COLEC10: variants seen among roughly 807,000 people sequenced by gnomAD.
The protein encoded by COLEC10 is collectin-10.
In COLEC10, 22 loss-of-function variants were observed where a neutral mutation model predicts 28.4. That is an observed-to-expected ratio of 0.78 (90% CI 0.55 to 1.11). COLEC10 has a LOEUF of 1.11. Ranked by LOEUF, COLEC10 falls within the 50% of genes least tolerant of loss-of-function variation. COLEC10 has a pLI of 0.00. For synonymous variants in COLEC10, 125 were observed against 116.1 expected (o/e 1.08, Z -0.49); for missense variants, 361 against 344.1 (o/e 1.05, Z -0.39).
intron 2 of COLEC10, among the ~76,000 whole-genome samples, chr8:119,048,546 T>C (rs529791050): frequency 9.2e-5 from 14 of 152,356 alleles, no homozygotes; most frequent in African/African-American, 3.1e-4. Context: ...ATATTTAGGA[T>C]GGTTAAGTTT....
upstream of COLEC10, among the ~76,000 whole-genome samples, chr8:118,990,969 G>T (rs200900043): frequency 7.1e-6 from 1 of 140,154 alleles, no homozygotes; most frequent in Admixed American, 7.1e-5. Flanking sequence ...GGGAATTAAA[G>T]AAAAAAAAAA....
At chr8:118,980,388 T>C in the COLEC10 span, among the ~76,000 whole-genome samples, 1 of 152,098 alleles carries the variant, frequency 6.6e-6, no homozygotes, top group South Asian at 2.1e-4. Context: ...AGATGAGGTT[T>C]CACCATGTTG....
chr8:118,963,212 A>C, the COLEC10 span, among the ~76,000 whole-genome samples: 1 of 152,220 alleles, frequency 6.6e-6, no homozygotes, highest in Non-Finnish European at 1.5e-5. Context: ...CATTTATAGA[A>C]TATCCATTAA....
At chr8:119,062,121 CATTAT>C (rs543633934) in intron 2 of COLEC10, among the ~76,000 whole-genome samples, 2 of 151,846 alleles carry the variant, frequency 1.3e-5, no homozygotes, top group Non-Finnish European at 2.9e-5. Flanking sequence ...GTTACAGGCC[CATTAT>C]ATTATAAACA....
chr8:119,103,829 A>C lies in COLEC10; in HGVS notation c.376A>C (p.Lys126Gln). 6.2e-7 allele frequency: 1 copy of C among 1,612,820 alleles called. No homozygotes were observed. Residue 126 changes from lysine (K) to glutamine (Q), a missense_variant, in exon 5 of 6, where the codon AAA becomes CAA. Physicochemically the swap from Lys to Gln is moderately conservative, Grantham distance 53. Around this residue, in one of 3 missense-constraint regions of COLEC10, gnomAD observed 335 missense variants for 308.5 expected, o/e 1.09. Coordinates refer to ENST00000332843, the MANE Select transcript of COLEC10 (RefSeq NM_006438.5). Reference protein sequence around the residue: ...GTVCDCGRYRKFVGQLDISIA... With the variant: ...GTVCDCGRYRQFVGQLDISIA... ...TGTCTGTGATTGTGGAAGATACCGGAAATTTGTTGGACAACTGGATATTAG... is the reference window on the plus strand; with the variant it reads ...TGTCTGTGATTGTGGAAGATACCGGCAATTTGTTGGACAACTGGATATTAG...
At chr8:118,967,367 A>G in the COLEC10 span, among the ~76,000 whole-genome samples, 13 of 152,158 alleles carry the variant, frequency 8.5e-5, no homozygotes, top group African/African-American at 2.4e-4. Flanking sequence ...CTAATATGCC[A>G]CCTTCATAGT....
At chr8:118,997,778 T>G (rs1178774627) in intron 1 of COLEC10, among the ~76,000 whole-genome samples, 1 of 152,190 alleles carries the variant, frequency 6.6e-6, no homozygotes, top group Non-Finnish European at 1.5e-5. Flanking sequence ...TACTAGAAAT[T>G]CACAAGAGTT....
chr8:118,954,258 A>T, the COLEC10 span, among the ~76,000 whole-genome samples: 1 of 152,216 alleles, frequency 6.6e-6, no homozygotes, highest in Non-Finnish European at 1.5e-5. Context: ...CTGTGTATTG[A>T]TTGTGCATCT....
chr8:119,056,372 C>T (rs1356541292), intron 2 of COLEC10, among the ~76,000 whole-genome samples: 1 of 152,022 alleles, frequency 6.6e-6, no homozygotes, highest in Non-Finnish European at 1.5e-5. Flanking sequence ...GGATTTTACC[C>T]CAAAAGTTTT....
intron 2 of COLEC10, among the ~76,000 whole-genome samples, chr8:119,022,414 A>G (rs984988594): frequency 1.3e-5 from 2 of 152,158 alleles, no homozygotes; most frequent in African/African-American, 4.8e-5. Context: ...GGGGAAATGT[A>G]TGTTAACATT....
At chr8:119,075,483 T>G (rs1203101563) in intron 1 of COLEC10, among the ~76,000 whole-genome samples, 1 of 152,140 alleles carries the variant, frequency 6.6e-6, no homozygotes, top group East Asian at 1.9e-4. Context: ...TAATGTGGGG[T>G]TTCTTTTCAA....
chr8:118,972,598 C>T, the COLEC10 span, among the ~76,000 whole-genome samples: 1 of 151,982 alleles, frequency 6.6e-6, no homozygotes, highest in Non-Finnish European at 1.5e-5. Flanking sequence ...AAATTATCTC[C>T]TAGTCTTCCC....
chr8:119,020,924 C>T (rs1044754480), intron 2 of COLEC10, among the ~76,000 whole-genome samples: 2 of 152,056 alleles, frequency 1.3e-5, no homozygotes, highest in Non-Finnish European at 2.9e-5. Context: ...TCATGCTGTA[C>T]AATATTCTAA....
upstream of COLEC10, among the ~76,000 whole-genome samples, chr8:118,990,529 C>T (rs568051585): frequency 5.6e-4 from 85 of 152,196 alleles, no homozygotes; most frequent in Non-Finnish European, 1.1e-3. Context: ...CACAGTAATA[C>T]GTAAAATTAC....
intron 2 of COLEC10, among the ~76,000 whole-genome samples, chr8:119,024,784 T>C (rs182000864): frequency 3.9e-5 from 6 of 152,258 alleles, no homozygotes; most frequent in Admixed American, 2.6e-4. Context: ...GGAGAAGTCA[T>C]CTGACTTACA....
intron 3 of COLEC10, among the ~76,000 whole-genome samples, chr8:119,091,595 G>GAGAGAGAGAAAGAAAGAAAGAAAGAA (rs1250359009): frequency 7.2e-6 from 1 of 138,566 alleles, no homozygotes; most frequent in African/African-American, 2.8e-5. Flanking sequence ...GAGAGAGAGA[G>GAGAGAGAGAAAGAAAGAAAGAAAGAA]AGAAAGAAAG....
intron 2 of COLEC10, among the ~76,000 whole-genome samples, chr8:119,029,840 G>C (rs928562642): frequency 1.1e-4 from 16 of 152,168 alleles, no homozygotes; most frequent in African/African-American, 3.9e-4. Flanking sequence ...TTAATTGATG[G>C]GAAATCTTTG....
At chr8:119,072,208 T>C (rs1236108339) in intron 1 of COLEC10, among the ~76,000 whole-genome samples, 1 of 151,880 alleles carries the variant, frequency 6.6e-6, no homozygotes, top group African/African-American at 2.4e-5. Flanking sequence ...GCTCTTTCCC[T>C]TTCAGCATGA....
chr8:119,096,476 A>C (rs1057342156), intron 3 of COLEC10, among the ~76,000 whole-genome samples: 1 of 152,164 alleles, frequency 6.6e-6, no homozygotes, highest in Non-Finnish European at 1.5e-5. Flanking sequence ...CTGTAATCCC[A>C]GCTACTTGGG....
Sources: gnomAD v4.1 joint callset for allele counts (sites outside exome capture counted in the v4.1 genomes callset) on GRCh38, gnomAD v4.1.1 for gene constraint, gnomAD v4.1.1 regional missense constraint, MANE v1.5 for transcripts, NCBI Gene and HGNC (gene_info 2026-07-23, HGNC 2026-07-21) for gene names.